TRPM3: variants seen among roughly 807,000 people sequenced by gnomAD.
TRPM3 encodes long transient receptor potential channel 3.
In TRPM3, 77 loss-of-function variants were observed where a neutral mutation model predicts 181.2. The ratio of observed to expected loss-of-function variants is 0.42; its 90% CI spans 0.35 to 0.51. The LOEUF (loss-of-function observed/expected upper bound fraction) is 0.51. Ranked by LOEUF, TRPM3 falls within the 20% of genes least tolerant of loss-of-function variation. The probability of loss-of-function intolerance (pLI) is 0.01; values close to 1 mark genes in which losing one functional copy is unlikely to be tolerated. For synonymous variants in TRPM3, 745 were observed against 796.4 expected (o/e 0.94, Z 1.09); for missense variants, 1,759 against 2,196.7 (o/e 0.80, Z 3.98).
intron 1 of TRPM3, among the ~76,000 whole-genome samples, chr9:71,349,249 T>A (rs939046828): frequency 6.6e-6 from 1 of 152,238 alleles, no homozygotes; most frequent in Non-Finnish European, 1.5e-5. Context: ...CCATATATAA[T>A]TTAAATCAGT....
chr9:71,079,195 T>A (rs190674695), intron 1 of TRPM3, among the ~76,000 whole-genome samples: 1 of 152,282 alleles, frequency 6.6e-6, no homozygotes, highest in East Asian at 1.9e-4. Context: ...CTATCAGAGT[T>A]GGTGGCTGGA....
intron 8 of TRPM3, among the ~76,000 whole-genome samples, chr9:70,738,348 T>C (rs1289137876): frequency 6.6e-6 from 1 of 152,112 alleles, no homozygotes; most frequent in Admixed American, 6.6e-5. Context: ...TGTATACATA[T>C]GTAACTAACC....
rs76415262 is a variant in TRPM3 at position 71,028,200 on chromosome 9, A to G, written c.177+92978T>C. ...AAAAGAAATTCCAACCAAGAATTTC[A>G]TATTCTACCAAAGTAAGCTTTATAA... On this transcript the variant is annotated intron_variant, in intron 1 of 25. Coordinates refer to ENST00000677713, the MANE Select transcript of TRPM3 (RefSeq NM_001366145.2). Among the ~76,000 whole-genome samples the G allele has an allele frequency of 6.2e-3, 950 of 152,326 alleles. 9 individuals carry two copies. Among genetic ancestry groups the G allele is most frequent in the African/African-American group, 0.021 (878 of 41,570 alleles).
At chr9:71,024,200 CAA>C (rs2097871325) in intron 1 of TRPM3, among the ~76,000 whole-genome samples, 1 of 152,010 alleles carries the variant, frequency 6.6e-6, no homozygotes, top group Non-Finnish European at 1.5e-5. Context: ...AATAAAAACA[CAA>C]AATACTTTCT....
At chr9:71,380,158 G>A (rs776419173) in intron 1 of TRPM3, among the ~76,000 whole-genome samples, 8 of 151,994 alleles carry the variant, frequency 5.3e-5, no homozygotes, top group Non-Finnish European at 1.0e-4. Flanking sequence ...TCAATGTGCA[G>A]TGGTCTTCTT....
At chr9:70,588,067 TG>T (rs1248977719) in intron 22 of TRPM3, among the ~76,000 whole-genome samples, 1 of 152,224 alleles carries the variant, frequency 6.6e-6, no homozygotes, top group Non-Finnish European at 1.5e-5. Flanking sequence ...AACTATCATT[TG>T]TGTTTAGTTC....
intron 1 of TRPM3, among the ~76,000 whole-genome samples, chr9:71,292,046 G>A (rs536441380): frequency 6.6e-6 from 1 of 152,092 alleles, no homozygotes; most frequent in Non-Finnish European, 1.5e-5. Context: ...AAGAAGAGCA[G>A]GCAGAATAAG....
At position 71,213,857 on chromosome 9, in the gene TRPM3, A is replaced by T. The variant is rs144333891; in HGVS notation, c.183+232796T>A. Among the ~76,000 whole-genome samples the T allele has an allele frequency of 6.1e-3, 930 of 152,262 alleles. 13 individuals carry two copies. The highest frequency in any genetic ancestry group is 0.021 in the African/African-American group (880 of 41,548). ...ATTGACTTTTAAAAAGTCAAGAATAACCTACATATTTTTTCCTGGTACAAC... is the reference window on the plus strand; with the variant it reads ...ATTGACTTTTAAAAAGTCAAGAATATCCTACATATTTTTTCCTGGTACAAC... On this transcript the variant is annotated intron_variant, in intron 1 of 24. Transcript: ENST00000357533.
At chr9:71,115,248 T>C (rs2072085841) in intron 1 of TRPM3, among the ~76,000 whole-genome samples, 1 of 152,122 alleles carries the variant, frequency 6.6e-6, no homozygotes, top group African/African-American at 2.4e-5. Flanking sequence ...CCAAGAGCTC[T>C]GGACTTCAGA....
intron 1 of TRPM3, among the ~76,000 whole-genome samples, chr9:71,246,130 G>A (rs575303307): frequency 2.0e-5 from 3 of 152,256 alleles, no homozygotes; most frequent in African/African-American, 7.2e-5. Context: ...TTATTTGGTG[G>A]TCTAACCTTC....
chr9:71,195,260 C>G (rs1173713398), intron 1 of TRPM3, among the ~76,000 whole-genome samples: 1 of 152,032 alleles, frequency 6.6e-6, no homozygotes, highest in East Asian at 1.9e-4. Context: ...AATTATGCAT[C>G]TGACAAAGGT....
intron 12 of TRPM3, among the ~76,000 whole-genome samples, chr9:70,628,818 T>TAAAAAA (rs10699305): frequency 0.12 from 10,682 of 88,882 alleles, 710 homozygotes; most frequent in East Asian, 0.24. Flanking sequence ...GACTCTGTCT[T>TAAAAAA]AAAAAAAAAA....
intron 1 of TRPM3, among the ~76,000 whole-genome samples, chr9:71,096,588 ACACTCT>A (rs1554824617): frequency 3.0e-4 from 29 of 96,944 alleles, no homozygotes; most frequent in African/African-American, 1.1e-3. Context: ...ACACACACAC[ACACTCT>A]CTCTCTCTCT....
intron 1 of TRPM3, among the ~76,000 whole-genome samples, chr9:71,007,954 A>T (rs1271074839): frequency 1.3e-5 from 2 of 152,128 alleles, no homozygotes; most frequent in Admixed American, 6.5e-5. Flanking sequence ...AAATAGATTT[A>T]AAAAGTAATA....
At chr9:70,782,871 C>T (rs1309442582) in intron 7 of TRPM3, among the ~76,000 whole-genome samples, 2 of 151,956 alleles carry the variant, frequency 1.3e-5, no homozygotes, top group Admixed American at 1.3e-4. Context: ...ATTTCACAAA[C>T]ATAGGTTCAT....
intron 8 of TRPM3, among the ~76,000 whole-genome samples, chr9:70,745,485 TTGAA>T (rs2074987865): frequency 6.6e-6 from 1 of 152,198 alleles, no homozygotes; most frequent in African/African-American, 2.4e-5. Context: ...ATGTTTGGAC[TTGAA>T]TTATGTTATT....
At chr9:70,950,436 A>G (rs1207392877) in intron 1 of TRPM3, among the ~76,000 whole-genome samples, 4 of 152,226 alleles carry the variant, frequency 2.6e-5, no homozygotes, top group African/African-American at 9.6e-5. Context: ...TTAGGGTGAC[A>G]TATTATGCGC....
chr9:70,978,013 T>C (rs2097323887), intron 1 of TRPM3, among the ~76,000 whole-genome samples: 1 of 152,156 alleles, frequency 6.6e-6, no homozygotes, highest in South Asian at 2.1e-4. Context: ...TCCCCAGAGG[T>C]TGAGGAGTGG....
At chr9:70,778,404 G>A (rs933132901) in intron 7 of TRPM3, among the ~76,000 whole-genome samples, 2 of 152,138 alleles carry the variant, frequency 1.3e-5, no homozygotes, top group African/African-American at 4.8e-5. Context: ...CTAGGGCCCT[G>A]CCTTATTCAT....
Sources: allele counts gnomAD v4.1 joint callset (sites outside exome capture counted in the v4.1 genomes callset), GRCh38; gene constraint gnomAD v4.1.1; transcripts MANE v1.5; gene names NCBI Gene and HGNC (gene_info 2026-07-23, HGNC 2026-07-21).